TAF1: variants seen among roughly 807,000 people sequenced by gnomAD.
The protein encoded by TAF1 is transcription initiation factor TFIID subunit 1.
TAF1 carries 2 observed loss-of-function variants against 138.5 expected under a neutral mutation model. The ratio of observed to expected loss-of-function variants is 0.01; its 90% confidence interval spans 0.01 to 0.05. The LOEUF (loss-of-function observed/expected upper bound fraction) is 0.05, where lower values mean the gene tolerates loss of function less well. Among genes scored for constraint, TAF1 ranks in the 10% least tolerant of loss-of-function variants. The pLI is 1.00. For synonymous variants in TAF1, 437 were observed against 503.2 expected, an observed-to-expected ratio of 0.87 and a Z score of 1.76; for missense variants, 709 against 1,478.0, an observed-to-expected ratio of 0.48 and a Z score of 8.53.
chrX:71,434,244 C>G (rs991228143), intron 32 of TAF1, among the ~76,000 whole-genome samples: 1 of 111,753 alleles, frequency 8.9e-6, no homozygotes, highest in Non-Finnish European at 1.9e-5. Context: ...GTGCCTGTTG[C>G]TGAGCCTGTC....
Position 71,506,532 on chromosome X carries a change from T to TA in TAF1, c.1367-22010_1367-22009insA, listed in dbSNP as rs1158850485. Among the ~76,000 whole-genome samples, 9 of 106,836 alleles carry TA rather than the reference T, an allele frequency of 8.4e-5. No homozygotes were observed. The East Asian group carries it at 1.5e-3, about 17-fold the overall frequency. The allele number at this position is 106,836 out of a possible 115,157, so 92.8% of individuals were successfully genotyped here. On this transcript the variant is annotated intron_variant and NMD_transcript_variant, in intron 13 of 14. Transcript: ENST00000373775. The stretch of plus-strand genomic sequence containing the variant: ...ACCCCGTCTCTACTATAAATATATA[T>TA]TTTTTTAAAAAAAGTAGCCGGGCAT...
At chrX:71,452,087 C>T (rs1170215560) in intron 32 of TAF1, among the ~76,000 whole-genome samples, 3 of 98,788 alleles carry the variant, frequency 3.0e-5, no homozygotes, top group East Asian at 3.5e-4. Context: ...CCGGACGGGG[C>T]GGCTGGCCGG....
downstream of TAF1, among the ~76,000 whole-genome samples, chrX:71,468,024 A>G (rs1324797397): frequency 2.7e-5 from 3 of 111,234 alleles, no homozygotes; most frequent in Non-Finnish European, 5.7e-5. Context: ...TGAGAGGTCA[A>G]GGTGGGTGAA....
chrX:71,431,731 A>G (rs1160430033), intron 32 of TAF1, among the ~76,000 whole-genome samples: 1 of 110,492 alleles, frequency 9.1e-6, no homozygotes, highest in Non-Finnish European at 1.9e-5. Flanking sequence ...CCTGGCCAAC[A>G]TAGTGAAACG....
At chrX:71,447,036 T>C (rs1450893838) in intron 32 of TAF1, among the ~76,000 whole-genome samples, 6 of 112,184 alleles carry the variant, frequency 5.3e-5, no homozygotes, top group South Asian at 7.4e-4. Flanking sequence ...CTCATCTCTT[T>C]GGGATCTGGA....
chrX:71,442,190 A>T lies in TAF1; in HGVS notation c.4754-11980A>T, dbSNP rs775596388. Among the ~76,000 whole-genome samples, 34 of 112,273 alleles carry T rather than the reference A, an allele frequency of 3.0e-4. 1 individual carries two copies. The South Asian group carries it at 0.012, about 40-fold the overall frequency. On this transcript the variant is annotated intron_variant, in intron 32 of 37. Coordinates refer to ENST00000423759, the MANE Select transcript of TAF1 (RefSeq NM_004606.5). ...CTTTGAGTATATACCCAGTAATGGG[A>T]TGGCTAGGTCAAATGGTATTTCTAG... is the stretch of plus-strand genomic sequence containing the variant.
intron 7 of TAF1, 69 bp downstream of exon 7, chrX:71,378,522 C>A: frequency 8.8e-7 from 1 of 1,134,877 alleles, no homozygotes; most frequent in African/African-American, 1.8e-5. Flanking sequence ...TAACTTTACT[C>A]TTTAATTGGG....
intron 28 of TAF1, chrX:71,414,067 A>C (rs1330406252): frequency 2.0e-5 from 2 of 100,847 alleles, no homozygotes; most frequent in Non-Finnish European, 4.0e-5. Flanking sequence ...TCCTACAACC[A>C]CACATTTGAT....
chrX:71,393,189 G>A lies in TAF1; in HGVS notation c.3052-112G>A, dbSNP rs1484086679. On this transcript the variant is annotated intron_variant, in intron 20 of 37. Coordinates refer to ENST00000423759, the MANE Select transcript of TAF1 (RefSeq NM_004606.5). ...GATTTTTCTTTTTTGGTCTAACTGTGTACATTGGCTTGTCCTTTGAAATCC... is the reference window on the plus strand; with the variant it reads ...GATTTTTCTTTTTTGGTCTAACTGTATACATTGGCTTGTCCTTTGAAATCC... The A allele has an allele frequency of 4.5e-6, 5 of 1,102,790 alleles. No homozygotes were observed. In the African/African-American group the frequency reaches 9.4e-5, roughly 21 times the overall value. 90.9% of individuals were successfully genotyped at this position (1,102,790 alleles called of 1,213,427 possible). A position where few individuals can be genotyped will look rare whatever the true frequency, so the allele number is the denominator to read the frequency against.
chrX:71,519,171 A>C (rs2039879107), intron 13 of TAF1, among the ~76,000 whole-genome samples: 1 of 107,983 alleles, frequency 9.3e-6, no homozygotes, highest in Non-Finnish European at 1.9e-5. Flanking sequence ...AAATACAAAA[A>C]ATCAGCCAGG....
chrX:71,366,520 G>GGC, intron 1 of TAF1, 26 bp downstream of exon 1: 1 of 417,684 alleles, frequency 2.4e-6, no homozygotes, highest in Non-Finnish European at 3.7e-6. Context: ...TGGGGGTAGG[G>GGC]CTCGGGGGGT....
intron 34 of TAF1, among the ~76,000 whole-genome samples, chrX:71,455,238 G>C (rs898855412): frequency 1.8e-5 from 2 of 111,435 alleles, no homozygotes; most frequent in Non-Finnish European, 3.8e-5. Context: ...TATTGTTCCT[G>C]TGCCTTACAG....
At chrX:71,397,806 T>C (rs1405375325) in intron 23 of TAF1, among the ~76,000 whole-genome samples, 1 of 110,728 alleles carries the variant, frequency 9.0e-6, no homozygotes, top group African/African-American at 3.3e-5. Context: ...TCGAGTGTGA[T>C]AGGGAGAATA....
chrX:71,368,429 T>C (rs2032736183), intron 3 of TAF1, among the ~76,000 whole-genome samples: 1 of 111,755 alleles, frequency 8.9e-6, no homozygotes, highest in Non-Finnish European at 1.9e-5. Flanking sequence ...CAAGTAGCTT[T>C]CTTGTCACCT....
At chrX:71,373,967 C>T (rs944535916) in intron 3 of TAF1, among the ~76,000 whole-genome samples, 18 of 110,561 alleles carry the variant, frequency 1.6e-4, no homozygotes, top group Admixed American at 7.7e-4. Context: ...ATTACAGGTG[C>T]GAGCCACTGT....
chrX:71,383,102 C>T lies in TAF1; in HGVS notation c.1885C>T (p.Leu629Phe). The T allele has an allele frequency of 8.3e-7, 1 of 1,211,304 alleles. No individual in the cohort carries two copies. The highest frequency in any genetic ancestry group is 3.0e-5 in the East Asian group (1 of 33,858). ...TCTGAAAAAGTACTCATTTGGTGCACTTTCTCAGCCAGGTCCCCACTCAGT... is the reference window on the plus strand; with the variant it reads ...TCTGAAAAAGTACTCATTTGGTGCATTTTCTCAGCCAGGTCCCCACTCAGT... Reference protein sequence around the residue: ...PPLKKYSFGALSQPGPHSVQP... With the variant: ...PPLKKYSFGAFSQPGPHSVQP... Residue 629 changes from leucine to phenylalanine, a missense_variant, in exon 12 of 38, where the codon CTT (leucine) becomes TTT (phenylalanine). Physicochemically the swap from Leu to Phe is conservative, Grantham distance 22. This residue lies in a region of TAF1 where 201 missense variants were observed against 421.3 expected (regional missense o/e 0.48). Transcript: ENST00000423759.
intron 35 of TAF1, chrX:71,459,256 G>A: frequency 8.8e-7 from 1 of 1,140,362 alleles, no homozygotes; most frequent in Middle Eastern, 2.5e-4. Context: ...GCCCCAGTGA[G>A]TATGCTTATA....
chrX:71,393,123 T>C lies in TAF1; in HGVS notation c.3051+129T>C, dbSNP rs767773938. On this transcript the variant is annotated intron_variant, in intron 20 of 37. Transcript: ENST00000423759. ...GGTATAGTAAGCTAAGTCTTAGATA[T>C]TGTTTTAGGAGTTATCTTTCTATGT... 26 of 1,065,824 alleles carry C rather than the reference T, an allele frequency of 2.4e-5. No individual in the cohort carries two copies. The South Asian group carries it at 4.0e-4, about 17-fold the overall frequency. 87.8% of individuals were successfully genotyped at this position (1,065,824 alleles called of 1,213,427 possible).
Position 71,377,838 on chromosome X carries a change from C to T in TAF1, c.933+17C>T, listed in dbSNP as rs376247928. Reference sequence around the variant, plus strand: ...GATGATGAAGTAGGCAAAATAGAGACCTGAGATTAAGGCCTATGAGAGGAA... The same window carrying T: ...GATGATGAAGTAGGCAAAATAGAGATCTGAGATTAAGGCCTATGAGAGGAA... On this transcript the variant is annotated intron_variant, in intron 6 of 37. Coordinates refer to ENST00000423759, the MANE Select transcript of TAF1 (RefSeq NM_004606.5). The T allele has an allele frequency of 1.4e-5, 16 of 1,181,071 alleles. No homozygotes were observed. Among genetic ancestry groups the T allele is most frequent in the Non-Finnish European group, 1.7e-5 (15 of 881,058 alleles).
Sources: allele counts gnomAD v4.1 joint callset (sites outside exome capture counted in the v4.1 genomes callset), GRCh38; gene constraint gnomAD v4.1.1; regional missense constraint gnomAD v4.1.1; transcripts MANE v1.5; gene names NCBI Gene and HGNC (gene_info 2026-07-23, HGNC 2026-07-21).